Variants in UBR3 observed in about 807,000 individuals in gnomAD.
UBR3 encodes E3 ubiquitin-protein ligase UBR3.
In UBR3, 85 loss-of-function variants were observed where a neutral mutation model predicts 243.2. That is an observed-to-expected ratio of 0.35 (90% confidence interval 0.29 to 0.42). UBR3 has a LOEUF of 0.42. Among genes scored for constraint, UBR3 ranks in the 10% least tolerant of loss-of-function variants. UBR3 has a pLI of 1.00. For synonymous variants in UBR3, 748 were observed against 799.8 expected, an observed-to-expected ratio of 0.94 and a Z score of 1.09; for missense variants, 1,686 against 2,300.8, an observed-to-expected ratio of 0.73 and a Z score of 5.47.
At chr2:170,053,038 T>A (rs1389156721) in intron 32 of UBR3, among the ~76,000 whole-genome samples, 1 of 152,052 alleles carries the variant, frequency 6.6e-6, no homozygotes, top group Non-Finnish European at 1.5e-5. Flanking sequence ...ATAAGGAAAG[T>A]AGATTGCAGG....
At chr2:170,065,517 T>A (rs1219496207) in intron 35 of UBR3, among the ~76,000 whole-genome samples, 1 of 152,136 alleles carries the variant, frequency 6.6e-6, no homozygotes, top group Non-Finnish European at 1.5e-5. Context: ...GGTCTCGAAT[T>A]CCTGGCCTCA....
At chr2:169,898,615 T>C (rs1258476060) in intron 8 of UBR3, among the ~76,000 whole-genome samples, 1 of 152,032 alleles carries the variant, frequency 6.6e-6, no homozygotes, top group African/African-American at 2.4e-5. Flanking sequence ...CTTCCCATTG[T>C]AGGTATAGTG....
At chr2:170,055,649 G>C in intron 33 of UBR3, 65 bp downstream of exon 33, 4 of 1,577,678 alleles carry the variant, frequency 2.5e-6, no homozygotes, top group Non-Finnish European at 3.5e-6. Flanking sequence ...GGGATATTGA[G>C]TGAATAAGAG....
At chr2:169,861,158 A>G (rs1180508179) in intron 1 of UBR3, among the ~76,000 whole-genome samples, 1 of 152,220 alleles carries the variant, frequency 6.6e-6, no homozygotes, top group Non-Finnish European at 1.5e-5. Context: ...TGCCTCTCCC[A>G]GTCCACTGAC....
At chr2:169,881,342 G>T (rs67272949) in intron 5 of UBR3, among the ~76,000 whole-genome samples, 1 of 151,700 alleles carries the variant, frequency 6.6e-6, no homozygotes, top group African/African-American at 2.4e-5. Context: ...ACCACGCCTG[G>T]CTAGTTTTGT....
At chr2:169,829,422 G>GT (rs35860819) in intron 1 of UBR3, among the ~76,000 whole-genome samples, 55,125 of 133,606 alleles carry the variant, frequency 0.41, 12,983 homozygotes, top group Non-Finnish European at 0.53. Context: ...TAACATTTGA[G>GT]TTTTTTTTTT....
At chr2:169,890,583 A>ATATATATATATATGTATATATATG (rs1383269041) in intron 5 of UBR3, among the ~76,000 whole-genome samples, 1,197 of 92,506 alleles carry the variant, frequency 0.013, 57 homozygotes, top group Admixed American at 0.018. Context: ...ATATATATGT[A>ATATATATATATATGTATATATATG]TATATATATG....
intron 23 of UBR3, among the ~76,000 whole-genome samples, chr2:169,953,287 C>T (rs186982879): frequency 4.1e-4 from 62 of 152,308 alleles, no homozygotes; most frequent in African/African-American, 1.4e-3. Context: ...TCTCACCGTG[C>T]TTCTCACATT....
At position 169,877,782 on chromosome 2, in the gene UBR3, A is replaced by G. The variant is rs985055468; in HGVS notation, c.988+145A>G. On this transcript the variant is annotated intron_variant, in intron 4 of 38. Coordinates refer to ENST00000272793, the MANE Select transcript of UBR3 (RefSeq NM_172070.4). ...TTAAGAAAAGTAATAAAAGTAGTAA[A>G]AATTTAGAGGCAAAAAAGAATAGAT... 3.4e-5 allele frequency: 28 copies of G among 820,822 alleles called. No homozygotes were observed. The African/African-American group carries it at 4.0e-4, about 12-fold the overall frequency. The allele number at this position is 820,822 out of a possible 1,614,324, so 50.8% of individuals were successfully genotyped here. A position where few individuals can be genotyped will look rare whatever the true frequency, so the allele number is the denominator to read the frequency against.
At chr2:170,009,971 G>A (rs1422320220) in intron 29 of UBR3, among the ~76,000 whole-genome samples, 1 of 152,086 alleles carries the variant, frequency 6.6e-6, no homozygotes, top group Non-Finnish European at 1.5e-5. Context: ...CAGGAGAAAT[G>A]GAACCAGATT....
At position 169,926,831 on chromosome 2, in the gene UBR3, C is replaced by T; in HGVS notation, c.2205-7C>T. 6.5e-7 allele frequency: 1 copy of T among 1,547,068 alleles called. No homozygotes were observed. Among genetic ancestry groups the T allele is most frequent in the Non-Finnish European group, 8.7e-7 (1 of 1,144,940 alleles). ...TAAAAATATGTTTCAAATATTTCTT[C>T]TTGTAGATTTAAGGTAGTGGATTTG... On this transcript the variant is annotated splice_region_variant and splice_polypyrimidine_tract_variant and intron_variant, in intron 15 of 38. Transcript: ENST00000272793.
chr2:169,965,841 A>T (rs1364799054), intron 24 of UBR3, among the ~76,000 whole-genome samples: 1 of 152,172 alleles, frequency 6.6e-6, no homozygotes, highest in Non-Finnish European at 1.5e-5. Context: ...GGAAAGTGAA[A>T]TCCTAGATAA....
intron 28 of UBR3, 99 bp from the exon 29 acceptor site, chr2:170,008,705 T>C (rs2089995016): frequency 8.0e-6 from 5 of 626,168 alleles, no homozygotes; most frequent in Non-Finnish European, 1.3e-5. Flanking sequence ...TTTTTAATTT[T>C]AATTTCCTAC....
At chr2:169,912,930 G>C (rs1052894604) in intron 10 of UBR3, among the ~76,000 whole-genome samples, 2 of 151,936 alleles carry the variant, frequency 1.3e-5, no homozygotes, top group African/African-American at 4.8e-5. Context: ...GACTATAAAT[G>C]CACGCCACCA....
At chr2:169,890,544 T>TAA (rs1553504426) in intron 5 of UBR3, among the ~76,000 whole-genome samples, 1 of 56,136 alleles carries the variant, frequency 1.8e-5, no homozygotes, top group African/African-American at 7.0e-5. Flanking sequence ...GAGAGAGATA[T>TAA]ATATATATAT....
rs557283483 is a variant in UBR3, at chr2:169,923,756, A to G, written c.1867-173A>G. Among the ~76,000 whole-genome samples, 5 of 152,344 alleles carry G rather than the reference A, an allele frequency of 3.3e-5. No individual in the cohort carries two copies. The South Asian group carries it at 8.3e-4, about 25-fold the overall frequency. The stretch of plus-strand genomic sequence containing the variant: ...AGAAACTTATACTTAAGTGTTTAAA[A>G]TGGAAAAATTTTATCTATAGTGATT... On this transcript the variant is annotated intron_variant, in intron 11 of 38. Coordinates refer to ENST00000272793, the MANE Select transcript of UBR3 (RefSeq NM_172070.4).
intron 30 of UBR3, among the ~76,000 whole-genome samples, chr2:170,023,479 G>A (rs918385908): frequency 1.3e-5 from 2 of 151,528 alleles, no homozygotes; most frequent in Non-Finnish European, 2.9e-5. Flanking sequence ...GTAACATGTC[G>A]GCTCACAGCA....
chr2:169,945,344 A>G (rs1375516397), intron 20 of UBR3, among the ~76,000 whole-genome samples: 1 of 152,130 alleles, frequency 6.6e-6, no homozygotes, highest in Non-Finnish European at 1.5e-5. Flanking sequence ...ACAACAGATG[A>G]ATATAGAAGC....
intron 5 of UBR3, among the ~76,000 whole-genome samples, chr2:169,884,922 G>T (rs2084031992): frequency 1.3e-5 from 2 of 152,132 alleles, no homozygotes; most frequent in Non-Finnish European, 2.9e-5. Flanking sequence ...TAGATGAAGG[G>T]ATAAGATAGA....
Sources: allele counts gnomAD v4.1 joint callset (sites outside exome capture counted in the v4.1 genomes callset), GRCh38; gene constraint gnomAD v4.1.1; transcripts MANE v1.5; gene names NCBI Gene and HGNC (gene_info 2026-07-23, HGNC 2026-07-21).